The following CRY2 variants were observed in gnomAD, a reference collection of about 807,000 sequenced individuals.
The protein encoded by CRY2 is cryptochrome circadian regulator 2.
In CRY2, 31 loss-of-function variants were observed where a neutral mutation model predicts 69.5. That is an observed-to-expected ratio of 0.45 (90% confidence interval 0.34 to 0.60). The LOEUF (loss-of-function observed/expected upper bound fraction) is 0.60, where lower values mean the gene tolerates loss of function less well. CRY2 is among the 20% of genes least tolerant of loss of function. The pLI, the probability that CRY2 is intolerant of heterozygous loss-of-function variation, is 0.02. For missense variants in CRY2, 606 were observed against 797.8 expected (o/e 0.76, Z 2.90); for synonymous variants, 303 against 312.2 (o/e 0.97, Z 0.31).
rs555938686 is a variant in CRY2, at chr11:45,875,453, G to A, written c.*2+3220G>A. The stretch of plus-strand genomic sequence containing the variant: ...TGGGCTGGGACCTGCAGAGGAACAG[G>A]TTGGGGAGAGAAAGTCAGCTGAGAG... On this transcript the variant is annotated intron_variant, in intron 11 of 11. Transcript: ENST00000616080. 4.6e-5 allele frequency among the ~76,000 whole-genome samples: 7 copies of A among 152,324 alleles called. No individual in the cohort carries two copies. In the South Asian group the frequency reaches 1.4e-3, roughly 32 times the overall value.
At position 45,882,759 on chromosome 11, in the gene CRY2, A is replaced by C. The variant is rs1294785282; in HGVS notation, c.*1848A>C. Reference sequence around the variant, plus strand: ...GAGTCAAGCAAACCTGGAAGGGCAAATCTGAGAGTGGGAAGGCCAAAGGCC... The same window carrying C: ...GAGTCAAGCAAACCTGGAAGGGCAACTCTGAGAGTGGGAAGGCCAAAGGCC... On this transcript the variant is annotated 3_prime_UTR_variant, in exon 12 of 12. Coordinates refer to ENST00000616080, the MANE Select transcript of CRY2 (RefSeq NM_021117.5). 1 of 398,604 alleles carries C rather than the reference A, an allele frequency of 2.5e-6. No homozygotes were observed. The highest frequency in any genetic ancestry group is 4.4e-5 in the Admixed American group (1 of 22,722). 24.7% of individuals were successfully genotyped at this position (398,604 alleles called of 1,614,324 possible). A position where few individuals can be genotyped will look rare whatever the true frequency, so the allele number is the denominator to read the frequency against.
At chr11:45,867,912 C>A in intron 6 of CRY2, 160 bp downstream of exon 6, 1 of 921,416 alleles carries the variant, frequency 1.1e-6, no homozygotes, top group East Asian at 2.6e-5. Context: ...AGAGAAGACT[C>A]AATATCCAAG....
rs1372520989 is a variant in CRY2 at position 45,882,898 on chromosome 11, C to T, written c.*1987C>T. ...AGGTACAGGTTGGCAGGACCACCTC[C>T]GCCTACTTCTCCACCATCCCTAGCA... On this transcript the variant is annotated 3_prime_UTR_variant, in exon 12 of 12. Transcript: ENST00000616080. 5 of 394,902 alleles carry T rather than the reference C, an allele frequency of 1.3e-5. No homozygotes were observed. Among genetic ancestry groups the T allele is most frequent in the African/African-American group, 6.2e-5 (3 of 48,582 alleles). 24.5% of individuals were successfully genotyped at this position (394,902 alleles called of 1,614,324 possible). A position where few individuals can be genotyped will look rare whatever the true frequency, so the allele number is the denominator to read the frequency against.
intron 6 of CRY2, 111 bp from the exon 7 acceptor site, chr11:45,869,395 T>C: frequency 8.6e-7 from 1 of 1,162,598 alleles, no homozygotes. Context: ...ATCTGGCAGC[T>C]GAGCCACTAG....
intron 5 of CRY2, among the ~76,000 whole-genome samples, chr11:45,866,012 G>C (rs1056414668): frequency 2.0e-5 from 3 of 152,352 alleles, no homozygotes; most frequent in Admixed American, 6.5e-5. Flanking sequence ...TGGCAGCAGG[G>C]AATGGAAAGA....
chr11:45,848,040 C>T (rs1438514931), intron 1 of CRY2, among the ~76,000 whole-genome samples: 1 of 152,136 alleles, frequency 6.6e-6, no homozygotes, highest in Non-Finnish European at 1.5e-5. Context: ...AACAGGGGCT[C>T]CTGGTCTAGG....
chr11:45,863,519 T>G (rs2086304758), intron 5 of CRY2, among the ~76,000 whole-genome samples: 1 of 151,754 alleles, frequency 6.6e-6, no homozygotes. Context: ...CAAATGGTGC[T>G]AGAGATACAG....
chr11:45,872,031 G>A (rs2086387308), intron 10 of CRY2, 61 bp from the exon 11 acceptor site: 2 of 1,598,634 alleles, frequency 1.3e-6, no homozygotes, highest in African/African-American at 1.3e-5. Context: ...CTGCTGCATA[G>A]TGTGGGATCA....
intron 11 of CRY2, among the ~76,000 whole-genome samples, chr11:45,873,918 A>T (rs1242749119): frequency 6.6e-6 from 1 of 152,236 alleles, no homozygotes; most frequent in African/African-American, 2.4e-5. Context: ...GTGATCTTGT[A>T]CAAATGACTT....
At chr11:45,852,382 G>T (rs1001794357) in intron 1 of CRY2, among the ~76,000 whole-genome samples, 7 of 152,206 alleles carry the variant, frequency 4.6e-5, no homozygotes, top group African/African-American at 1.7e-4. Context: ...AAGGCCCAAG[G>T]TTCTCTCTGG....
rs201003435 is a variant in CRY2 at position 45,847,619 on chromosome 11, C to T, written c.129C>T (p.Ala43=). 1.9e-6 allele frequency: 3 copies of T among 1,604,696 alleles called. No homozygotes were observed. The highest frequency in any genetic ancestry group is 2.7e-5 in the African/African-American group (2 of 74,974). Residue 43 remains alanine (A), a synonymous_variant, in exon 1 of 12, where the codon GCC becomes GCT. Coordinates refer to ENST00000616080, the MANE Select transcript of CRY2 (RefSeq NM_021117.5). The part of the protein sequence containing the change: ...RLHDNPALLA[A]VRGARCVRCV... Reference sequence around the variant, plus strand: ...ACGACAACCCGGCGTTGCTGGCGGCCGTGCGCGGGGCGCGCTGCGTGCGCT... The same window carrying T: ...ACGACAACCCGGCGTTGCTGGCGGCTGTGCGCGGGGCGCGCTGCGTGCGCT...
intron 4 of CRY2, 91 bp from the exon 5 acceptor site, chr11:45,861,969 A>T: frequency 8.9e-7 from 1 of 1,129,088 alleles, no homozygotes; most frequent in South Asian, 1.4e-5. Flanking sequence ...CTGTGGTTCA[A>T]TTCTCATAAA....
rs1003018403 is a variant in CRY2 at position 45,882,288 on chromosome 11, GGT to G, written c.*1378_*1379del. 1 of 228,398 alleles carries G rather than the reference GGT, an allele frequency of 4.4e-6. No homozygotes were observed. Among genetic ancestry groups the G allele is most frequent in the African/African-American group, 2.3e-5 (1 of 44,210 alleles). 14.1% of individuals were successfully genotyped at this position (228,398 alleles called of 1,614,324 possible). ...AGTGTGTGTGTGTGTGTGCGTGTGT[GGT>G]ACGTGTGTGTGTGTGTGGCTATGAG... On this transcript the variant is annotated 3_prime_UTR_variant, in exon 12 of 12. Transcript: ENST00000616080.
intron 3 of CRY2, 97 bp downstream of exon 3, chr11:45,858,970 A>G: frequency 6.2e-6 from 9 of 1,460,848 alleles, no homozygotes; most frequent in Middle Eastern, 1.9e-4. Context: ...CATTAGGGCT[A>G]CCTGACCCAG....
At chr11:45,873,772 T>C (rs1224608608) in intron 11 of CRY2, among the ~76,000 whole-genome samples, 1 of 152,186 alleles carries the variant, frequency 6.6e-6, no homozygotes, top group Non-Finnish European at 1.5e-5. Context: ...TATACAAGCT[T>C]AGCAGAAGGC....
At chr11:45,847,819 A>C in intron 1 of CRY2, 114 bp downstream of exon 1, 2 of 1,344,252 alleles carry the variant, frequency 1.5e-6, no homozygotes, top group Non-Finnish European at 2.0e-6. Flanking sequence ...CAGAGGGGAG[A>C]AGCCGAGACC....
At chr11:45,878,920 TA>T (rs57461093) in intron 11 of CRY2, among the ~76,000 whole-genome samples, 686 of 49,352 alleles carry the variant, frequency 0.014, 10 homozygotes, top group African/African-American at 0.065. Flanking sequence ...CTCCATCTAT[TA>T]AAAAAAAAAA....
chr11:45,869,751 C>G lies in CRY2; in HGVS notation c.1128C>G (p.Ala376=), dbSNP rs746929230. 2 of 1,613,854 alleles carry G rather than the reference C, an allele frequency of 1.2e-6. No individual in the cohort carries two copies. Among genetic ancestry groups the G allele is most frequent in the Non-Finnish European group, 1.7e-6 (2 of 1,179,892 alleles). Residue 376 remains alanine (A), a synonymous_variant, in exon 7 of 12, where the codon GCC becomes GCG. Transcript: ENST00000616080. ...LRQEGWIHHL[A]RHAVACFLTR... is the part of the protein sequence containing the mutation. ...AGGAGGGCTGGATCCACCACCTGGC[C>G]CGGCATGCCGTGGCCTGCTTCCTGA...
intron 10 of CRY2, 52 bp downstream of exon 10, chr11:45,870,986 T>G: frequency 6.8e-7 from 1 of 1,466,324 alleles, no homozygotes; most frequent in South Asian, 1.2e-5. Flanking sequence ...GTGCCACCAC[T>G]TCAGTCATTC....
Sources: gnomAD v4.1 joint callset for allele counts (sites outside exome capture counted in the v4.1 genomes callset) on GRCh38, gnomAD v4.1.1 for gene constraint, MANE v1.5 for transcripts, NCBI Gene and HGNC (gene_info 2026-07-23, HGNC 2026-07-21) for gene names.